The following EDIL3 variants were observed in gnomAD, a reference collection of about 807,000 sequenced individuals.
EDIL3 encodes EGF like and discoidin domains 3.
EDIL3 carries 37 observed loss-of-function variants against 67.4 expected under a neutral mutation model. The observed-to-expected ratio is 0.55, with a 90% confidence interval of 0.42 to 0.72. The LOEUF is 0.72. EDIL3 is among the 30% of genes least tolerant of loss of function. The pLI is 0.00. For missense variants in EDIL3, 527 were observed against 586.3 expected (o/e 0.90, Z 1.04); for synonymous variants, 195 against 196.3 (o/e 0.99, Z 0.05).
chr5:84,328,863 G>A (rs576775535), intron 1 of EDIL3, among the ~76,000 whole-genome samples: 4 of 151,958 alleles, frequency 2.6e-5, no homozygotes, highest in Non-Finnish European at 4.4e-5. Context: ...TTTTACAAAC[G>A]CTTGCAATTT....
intron 1 of EDIL3, among the ~76,000 whole-genome samples, chr5:84,354,943 ATC>A (rs953129935): frequency 3.3e-5 from 5 of 152,144 alleles, no homozygotes; most frequent in African/African-American, 1.2e-4. Context: ...CCCTTGGTGA[ATC>A]TGACGATTAT....
At chr5:84,044,908 T>C (rs1238403346) in intron 9 of EDIL3, among the ~76,000 whole-genome samples, 1 of 152,066 alleles carries the variant, frequency 6.6e-6, no homozygotes, top group African/African-American at 2.4e-5. Context: ...AGCTGGAGTG[T>C]AAAGCCAAAG....
At chr5:83,984,474 A>ATTGTGGTCCTAC (rs1264440869) in intron 9 of EDIL3, among the ~76,000 whole-genome samples, 46 of 152,230 alleles carry the variant, frequency 3.0e-4, no homozygotes, top group African/African-American at 1.0e-3. Context: ...AATCAACTGG[A>ATTGTGGTCCTAC]AAACCAAGTA....
intron 9 of EDIL3, among the ~76,000 whole-genome samples, chr5:84,002,322 T>C (rs924108424): frequency 1.8e-4 from 28 of 152,204 alleles, no homozygotes; most frequent in Admixed American, 3.9e-4. Flanking sequence ...CACTCACAAC[T>C]AGTATCACAC....
chr5:84,290,047 C>T (rs1435563826), intron 1 of EDIL3, among the ~76,000 whole-genome samples: 1 of 152,148 alleles, frequency 6.6e-6, no homozygotes, highest in Non-Finnish European at 1.5e-5. Context: ...CTCAGATCCT[C>T]CTTCAGGAAC....
At chr5:84,264,155 A>G (rs953496132) in intron 1 of EDIL3, among the ~76,000 whole-genome samples, 33 of 152,190 alleles carry the variant, frequency 2.2e-4, no homozygotes, top group African/African-American at 7.5e-4. Context: ...CTGAGGCATG[A>G]GAATCCCTTG....
intron 4 of EDIL3, among the ~76,000 whole-genome samples, chr5:84,144,056 C>T (rs1748250156): frequency 6.6e-6 from 1 of 151,972 alleles, no homozygotes; most frequent in Non-Finnish European, 1.5e-5. Flanking sequence ...GCTCTTAAAG[C>T]ATATCAATGC....
chr5:83,955,094 A>G, intron 10 of EDIL3, among the ~76,000 whole-genome samples: 1 of 151,748 alleles, frequency 6.6e-6, no homozygotes, highest in East Asian at 1.9e-4. Flanking sequence ...AATGACTTAA[A>G]TAAAAGCATG....
intron 1 of EDIL3, among the ~76,000 whole-genome samples, chr5:84,354,477 C>T (rs138233207): frequency 9.7e-4 from 148 of 151,870 alleles, no homozygotes; most frequent in African/African-American, 3.3e-3. Context: ...GCCAATGTGG[C>T]AAAACCCTGT....
intron 5 of EDIL3, among the ~76,000 whole-genome samples, chr5:84,135,889 C>A (rs973343200): frequency 8.6e-5 from 13 of 151,714 alleles, no homozygotes; most frequent in Non-Finnish European, 1.0e-4. Context: ...TGTGGTTTGT[C>A]AGGACTACAG....
chr5:84,268,091 C>G (rs1405535209), intron 1 of EDIL3, among the ~76,000 whole-genome samples: 1 of 152,050 alleles, frequency 6.6e-6, no homozygotes, highest in African/African-American at 2.4e-5. Flanking sequence ...GAGCCAAGAT[C>G]GCGCCACTGC....
chr5:84,169,011 C>T (rs1328502216), intron 4 of EDIL3, among the ~76,000 whole-genome samples: 1 of 152,040 alleles, frequency 6.6e-6, no homozygotes, highest in South Asian at 2.1e-4. Flanking sequence ...AGACACATAC[C>T]CATCTTAGGA....
chr5:84,241,971 A>G (rs113474089), intron 2 of EDIL3, among the ~76,000 whole-genome samples: 1,694 of 151,832 alleles, frequency 0.011, 32 homozygotes, highest in African/African-American at 0.039. Context: ...CTGTAATCCC[A>G]GCACTTTGAC....
At chr5:84,225,567 G>C (rs547605201) in intron 3 of EDIL3, among the ~76,000 whole-genome samples, 1 of 151,558 alleles carries the variant, frequency 6.6e-6, no homozygotes, top group South Asian at 2.1e-4. Flanking sequence ...ATATTATTTT[G>C]TAGCATTATA....
chr5:84,016,135 CAT>C (rs1311168864), intron 9 of EDIL3, among the ~76,000 whole-genome samples: 4 of 152,104 alleles, frequency 2.6e-5, no homozygotes, highest in African/African-American at 7.2e-5. Flanking sequence ...TAAATGAGAA[CAT>C]GTGGTACTTG....
chr5:84,128,345 A>C lies in EDIL3; in HGVS notation c.469+8896T>G, dbSNP rs1009577070. Among the ~76,000 whole-genome samples the C allele has an allele frequency of 1.5e-4, 23 of 152,234 alleles. 1 individual carries two copies. Among genetic ancestry groups the C allele is most frequent in the African/African-American group, 5.5e-4 (23 of 41,574 alleles). ...TCTGCTTTTATCAGCAGTGTGATAA[A>C]AGCGGAAATCCCGGTGGTTTGTGCT... On this transcript the variant is annotated intron_variant, in intron 5 of 10. Coordinates refer to ENST00000296591, the MANE Select transcript of EDIL3 (RefSeq NM_005711.5).
intron 1 of EDIL3, among the ~76,000 whole-genome samples, chr5:84,331,427 G>A (rs1361708179): frequency 1.8e-4 from 28 of 152,118 alleles, no homozygotes; most frequent in Admixed American, 1.8e-3. Flanking sequence ...AATCATGGGG[G>A]ACATTACCCT....
intron 1 of EDIL3, among the ~76,000 whole-genome samples, chr5:84,374,552 T>C (rs1029753322): frequency 4.6e-5 from 7 of 152,196 alleles, no homozygotes; most frequent in Admixed American, 4.6e-4. Context: ...AGTTAAACAA[T>C]TTACAGCTAT....
chr5:84,343,047 T>G (rs531551118), intron 1 of EDIL3, among the ~76,000 whole-genome samples: 10 of 152,236 alleles, frequency 6.6e-5, no homozygotes, highest in African/African-American at 2.2e-4. Flanking sequence ...TTAGCAAGAC[T>G]AGGATACATA....
Sources: gnomAD v4.1 joint callset for allele counts (sites outside exome capture counted in the v4.1 genomes callset) on GRCh38, gnomAD v4.1.1 for gene constraint, MANE v1.5 for transcripts, NCBI Gene and HGNC (gene_info 2026-07-23, HGNC 2026-07-21) for gene names.